DDC: variants seen among roughly 807,000 people sequenced by gnomAD.
DDC encodes dopa decarboxylase, also known as aromatic-L-amino-acid decarboxylase.
DDC carries 43 observed loss-of-function variants against 60.0 expected under a neutral mutation model. The ratio of observed to expected loss-of-function variants is 0.72; its 90% CI spans 0.56 to 0.92. The LOEUF (loss-of-function observed/expected upper bound fraction) is 0.92, where lower values mean the gene tolerates loss of function less well. DDC is among the 40% of genes least tolerant of loss of function. The pLI, the probability that DDC is intolerant of heterozygous loss-of-function variation, is 0.00. For synonymous variants in DDC, 232 were observed against 234.6 expected (o/e 0.99, Z 0.10); for missense variants, 573 against 620.2 (o/e 0.92, Z 0.81).
rs2042466463 is a variant in DDC, at chr7:50,469,010, G to A, written c.1140+1063C>T. On this transcript the variant is annotated intron_variant, in intron 12 of 14. Coordinates refer to ENST00000444124, the MANE Select transcript of DDC (RefSeq NM_001082971.2). ...GCTTTAGTGCAGTGGCACAATCTCTGCTCATTGCAACCTCTGCCTCCCAGG... is the reference window on the plus strand; with the variant it reads ...GCTTTAGTGCAGTGGCACAATCTCTACTCATTGCAACCTCTGCCTCCCAGG... Among the ~76,000 whole-genome samples, 3 of 141,578 alleles carry A rather than the reference G, an allele frequency of 2.1e-5. No individual in the cohort carries two copies. In the South Asian group the frequency reaches 6.5e-4, roughly 31 times the overall value. The allele number at this position is 141,578 out of a possible 152,430, so 92.9% of individuals were successfully genotyped here.
intron 7 of DDC, among the ~76,000 whole-genome samples, chr7:50,501,658 T>C (rs1323642443): frequency 6.6e-6 from 1 of 151,956 alleles, no homozygotes; most frequent in Non-Finnish European, 1.5e-5. Flanking sequence ...CCGCTTGGAG[T>C]TGGAGAATGC....
intron 9 of DDC, 56 bp from the exon 10 acceptor site, chr7:50,479,919 C>T: frequency 1.5e-6 from 2 of 1,351,196 alleles, no homozygotes; most frequent in Middle Eastern, 2.1e-4. Flanking sequence ...GACTGGACCA[C>T]CTCTCCCCTC....
intron 4 of DDC, among the ~76,000 whole-genome samples, chr7:50,530,444 T>C (rs1563031887): frequency 6.6e-6 from 1 of 152,058 alleles, no homozygotes; most frequent in Non-Finnish European, 1.5e-5. Context: ...GAAAAGAAAT[T>C]CTTCTTCGAT....
intron 6 of DDC, among the ~76,000 whole-genome samples, chr7:50,523,958 G>A (rs772091027): frequency 1.1e-4 from 17 of 152,202 alleles, no homozygotes; most frequent in South Asian, 4.1e-4. Context: ...GAATTGTGGC[G>A]TGTTCATATC....
intron 3 of DDC, among the ~76,000 whole-genome samples, chr7:50,538,402 A>T (rs1188937022): frequency 1.3e-5 from 2 of 150,926 alleles, no homozygotes; most frequent in Non-Finnish European, 3.0e-5. Flanking sequence ...TTCTCTATGA[A>T]CTCTCCCCTC....
At chr7:50,532,711 A>G (rs998782198) in intron 4 of DDC, among the ~76,000 whole-genome samples, 2 of 152,262 alleles carry the variant, frequency 1.3e-5, no homozygotes, top group African/African-American at 4.8e-5. Context: ...AGCTCTTATT[A>G]TAATAGACAC....
At chr7:50,510,594 A>G (rs1234724368) in intron 6 of DDC, among the ~76,000 whole-genome samples, 1 of 149,938 alleles carries the variant, frequency 6.7e-6, no homozygotes, top group East Asian at 2.0e-4. Context: ...ACTTGAACCT[A>G]AGTAGCAGTG....
At chr7:50,539,764 G>A (rs1327590483) in intron 3 of DDC, 151 bp downstream of exon 3, 4 of 668,710 alleles carry the variant, frequency 6.0e-6, no homozygotes, top group Non-Finnish European at 8.2e-6. Flanking sequence ...CTCTCTCTGG[G>A]CTGAATCCTT....
intron 9 of DDC, among the ~76,000 whole-genome samples, chr7:50,495,083 G>C (rs1429101271): frequency 6.6e-6 from 1 of 152,272 alleles, no homozygotes; most frequent in East Asian, 1.9e-4. Flanking sequence ...ACTTGCATTT[G>C]TTTTCTGTCA....
At chr7:50,508,140 C>T (rs1383658521) in intron 6 of DDC, among the ~76,000 whole-genome samples, 1 of 152,176 alleles carries the variant, frequency 6.6e-6, no homozygotes, top group East Asian at 1.9e-4. Flanking sequence ...AGGAGGAGGC[C>T]TGGGGGCTGC....
intron 2 of DDC, chr7:50,543,377 C>T (rs2044697774): frequency 4.4e-6 from 1 of 225,842 alleles, no homozygotes; most frequent in Admixed American, 5.2e-5. Context: ...TACCCCAGGC[C>T]TACTGGCTTC....
intron 2 of DDC, among the ~76,000 whole-genome samples, chr7:50,540,763 G>T (rs1228150624): frequency 1.3e-5 from 2 of 152,334 alleles, no homozygotes; most frequent in East Asian, 1.9e-4. Flanking sequence ...CAGAGGAAAA[G>T]CTCATGTGGG....
intron 4 of DDC, among the ~76,000 whole-genome samples, chr7:50,532,959 C>T (rs1212564779): frequency 2.6e-5 from 4 of 152,102 alleles, no homozygotes; most frequent in Non-Finnish European, 5.9e-5. Flanking sequence ...GCACTTCATC[C>T]TAAAGGGTGT....
intron 9 of DDC, among the ~76,000 whole-genome samples, chr7:50,482,277 AT>A (rs1415324027): frequency 6.6e-6 from 1 of 152,238 alleles, no homozygotes; most frequent in Non-Finnish European, 1.5e-5. Context: ...TGGGATTTCA[AT>A]TTACATTTCT....
chr7:50,537,233 C>A (rs191133410), intron 4 of DDC, among the ~76,000 whole-genome samples: 78 of 152,246 alleles, frequency 5.1e-4, no homozygotes, highest in African/African-American at 1.8e-3. Flanking sequence ...ATAGAAGCAG[C>A]AGCATCTTTA....
intron 11 of DDC, among the ~76,000 whole-genome samples, chr7:50,474,651 C>T (rs2042602454): frequency 6.6e-6 from 1 of 152,202 alleles, no homozygotes; most frequent in Non-Finnish European, 1.5e-5. Context: ...TAACATAAGC[C>T]AGCATTGCTG....
At chr7:50,503,754 T>C (rs1422753698) in intron 7 of DDC, among the ~76,000 whole-genome samples, 1 of 152,118 alleles carries the variant, frequency 6.6e-6, no homozygotes, top group Non-Finnish European at 1.5e-5. Flanking sequence ...ATTGCTCGGA[T>C]TTTTTTTCTT....
intron 6 of DDC, among the ~76,000 whole-genome samples, chr7:50,515,987 T>G (rs2043717412): frequency 6.6e-6 from 1 of 152,146 alleles, no homozygotes; most frequent in African/African-American, 2.4e-5. Flanking sequence ...TGGGAGACTT[T>G]AGTACTCCAC....
At chr7:50,492,988 C>T in intron 9 of DDC, 2 of 1,598,198 alleles carry the variant, frequency 1.3e-6, no homozygotes, top group East Asian at 2.2e-5. Context: ...CCTTAACATA[C>T]GCACTGGTTG....
Sources: gnomAD v4.1 joint callset for allele counts (sites outside exome capture counted in the v4.1 genomes callset) on GRCh38, gnomAD v4.1.1 for gene constraint, MANE v1.5 for transcripts, NCBI Gene and HGNC (gene_info 2026-07-23, HGNC 2026-07-21) for gene names.